EPB41L4A: variants seen among roughly 807,000 people sequenced by gnomAD.
The protein encoded by EPB41L4A is band 4.1-like protein 4A.
In EPB41L4A, 100 loss-of-function variants were observed where a neutral mutation model predicts 108.6. That is an observed-to-expected ratio of 0.92 (90% confidence interval 0.78 to 1.09). EPB41L4A has a LOEUF of 1.09. Ranked by LOEUF, EPB41L4A falls within the 50% of genes least tolerant of loss-of-function variation. The probability of loss-of-function intolerance (pLI) is 0.00; values close to 1 mark genes in which losing one functional copy is unlikely to be tolerated. For synonymous variants in EPB41L4A, 319 were observed against 289.0 expected, an observed-to-expected ratio of 1.10 and a Z score of -1.05; for missense variants, 1,030 against 842.7, an observed-to-expected ratio of 1.22 and a Z score of -2.75.
intron 1 of EPB41L4A, among the ~76,000 whole-genome samples, chr5:112,388,310 G>A (rs1760696167): frequency 6.6e-6 from 1 of 152,194 alleles, no homozygotes; most frequent in South Asian, 2.1e-4. Context: ...GAGCTTTAAA[G>A]GAAGTGCGGT....
rs780761015 is a variant in EPB41L4A, at chr5:112,184,054, G to A, written c.1584C>T (p.Ala528=). The A allele has an allele frequency of 2.2e-5, 36 of 1,613,984 alleles. No homozygotes were observed. In the East Asian group the frequency reaches 6.7e-4, roughly 30 times the overall value. Residue 528 remains alanine, a synonymous_variant, in exon 18 of 23, where the codon GCC becomes GCT. Coordinates refer to ENST00000261486, the MANE Select transcript of EPB41L4A (RefSeq NM_022140.5). ...GTCTGGATCGCCTGTTGTTGGGGTC[G>A]GCTTGGTTTTTTTCCTTTTGTCTCC... ...VLRRQKEKNQ[A]DPNNRRSRHR...
chr5:112,194,151 C>T lies in EPB41L4A; in HGVS notation c.1502+417G>A, dbSNP rs1047794116. 2.6e-5 allele frequency among the ~76,000 whole-genome samples: 4 copies of T among 151,464 alleles called. No homozygotes were observed. The East Asian group carries it at 5.8e-4, about 22-fold the overall frequency. ...CATATTATTAGCATATATATATATACATAAGCCTGAAACCGCAGAATCTAA... is the reference window on the plus strand; with the variant it reads ...CATATTATTAGCATATATATATATATATAAGCCTGAAACCGCAGAATCTAA... On this transcript the variant is annotated intron_variant, in intron 17 of 22. Coordinates refer to ENST00000261486, the MANE Select transcript of EPB41L4A (RefSeq NM_022140.5).
chr5:112,325,140 A>G (rs1756061534), intron 1 of EPB41L4A, among the ~76,000 whole-genome samples: 1 of 94,892 alleles, frequency 1.1e-5, no homozygotes, highest in Admixed American at 9.3e-5. Flanking sequence ...GAAATTACGC[A>G]CAATTAAAAA....
downstream of EPB41L4A, among the ~76,000 whole-genome samples, chr5:112,157,687 C>T (rs1005061468): frequency 7.2e-5 from 11 of 152,218 alleles, no homozygotes; most frequent in African/African-American, 2.7e-4. Flanking sequence ...TCTTCTGCTA[C>T]CTTCTTCCAT....
At chr5:112,336,052 TC>T (rs2150680470) in intron 1 of EPB41L4A, among the ~76,000 whole-genome samples, 1 of 152,244 alleles carries the variant, frequency 6.6e-6, no homozygotes, top group African/African-American at 2.4e-5. Context: ...AGGAAAGGCC[TC>T]CTGGAGGAAA....
intron 1 of EPB41L4A, among the ~76,000 whole-genome samples, chr5:112,411,081 C>T (rs996910506): frequency 6.6e-6 from 1 of 152,070 alleles, no homozygotes. Flanking sequence ...AACTGGTGAC[C>T]AAAGCATCTT....
intron 1 of EPB41L4A, among the ~76,000 whole-genome samples, chr5:112,411,459 T>A (rs781541977): frequency 6.6e-5 from 10 of 152,086 alleles, no homozygotes; most frequent in Non-Finnish European, 1.5e-4. Flanking sequence ...AAACTGAAAT[T>A]CAGAAATAAA....
At chr5:112,157,487 C>A (rs148857681) in intron 12 of EPB41L4A, among the ~76,000 whole-genome samples, 20 of 152,294 alleles carry the variant, frequency 1.3e-4, no homozygotes, top group African/African-American at 4.6e-4. Flanking sequence ...AACATACATT[C>A]ATTATCTCAC....
At chr5:112,267,646 C>G (rs1751955427) in intron 4 of EPB41L4A, among the ~76,000 whole-genome samples, 1 of 151,724 alleles carries the variant, frequency 6.6e-6, no homozygotes, top group South Asian at 2.1e-4. Flanking sequence ...TCCCCTACAC[C>G]AGGTCACTCT....
chr5:112,153,439 G>A lies in EPB41L4A; in HGVS notation n.994+4962C>T, dbSNP rs549826772. ...AGCTACTCGGGAGGCTGAGGCAGGA[G>A]AATTGCTTGAACCTGGGAGGCGGAG... On this transcript the variant is annotated intron_variant and non_coding_transcript_variant, in intron 12 of 13. Coordinates refer to the EPB41L4A transcript ENST00000507810. Among the ~76,000 whole-genome samples, 283 of 151,546 alleles carry A rather than the reference G, an allele frequency of 1.9e-3. 1 individual carries two copies. The highest frequency in any genetic ancestry group is 6.3e-3 in the African/African-American group (260 of 41,350).
At chr5:112,200,611 T>C (rs770776485) in intron 15 of EPB41L4A, among the ~76,000 whole-genome samples, 49 of 152,306 alleles carry the variant, frequency 3.2e-4, no homozygotes, top group Non-Finnish European at 6.5e-4. Flanking sequence ...CAAACATTTT[T>C]TAATGTAAAA....
intron 1 of EPB41L4A, among the ~76,000 whole-genome samples, chr5:112,400,813 G>T (rs1010678446): frequency 6.6e-6 from 1 of 152,142 alleles, no homozygotes; most frequent in Non-Finnish European, 1.5e-5. Flanking sequence ...TGTCAAGAAG[G>T]CAAAGGTATT....
intron 1 of EPB41L4A, among the ~76,000 whole-genome samples, chr5:112,349,737 G>T (rs1048780282): frequency 5.9e-5 from 9 of 152,100 alleles, no homozygotes. Context: ...AACAACATGG[G>T]GTCCAAAATG....
intron 1 of EPB41L4A, among the ~76,000 whole-genome samples, chr5:112,335,578 C>A (rs1460265511): frequency 6.6e-6 from 1 of 152,152 alleles, no homozygotes; most frequent in African/African-American, 2.4e-5. Flanking sequence ...ACGACTAGAA[C>A]AGGATTTCTG....
chr5:112,205,331 C>G, intron 14 of EPB41L4A, 90 bp downstream of exon 14: 5 of 1,092,476 alleles, frequency 4.6e-6, no homozygotes, highest in Non-Finnish European at 7.1e-6. Flanking sequence ...TGTGATCAGC[C>G]ACCCAGCAGC....
At chr5:112,361,084 G>A (rs899375740) in intron 1 of EPB41L4A, among the ~76,000 whole-genome samples, 1 of 152,180 alleles carries the variant, frequency 6.6e-6, no homozygotes, top group South Asian at 2.1e-4. Flanking sequence ...AGAAAGGGGG[G>A]AAGTGTGGGG....
chr5:112,211,544 C>T (rs772111682), intron 12 of EPB41L4A, among the ~76,000 whole-genome samples: 18 of 150,804 alleles, frequency 1.2e-4, no homozygotes, highest in Non-Finnish European at 2.1e-4. Context: ...GCTGAGATTG[C>T]GCCACTACAC....
At position 112,242,650 on chromosome 5, in the gene EPB41L4A, C is replaced by A. The variant is rs144636363; in HGVS notation, c.796-1840G>T. 5.0e-3 allele frequency among the ~76,000 whole-genome samples: 765 copies of A among 152,220 alleles called. 18 individuals are homozygous for A. In the South Asian group the frequency reaches 0.055, roughly 11 times the overall value. ...GTGAATATTTTCCAGAAGTTTTTCACTTTGTTTGTCCAGATCCATTAGAGA... is the reference window on the plus strand; with the variant it reads ...GTGAATATTTTCCAGAAGTTTTTCAATTTGTTTGTCCAGATCCATTAGAGA... On this transcript the variant is annotated intron_variant, in intron 9 of 22. Transcript: ENST00000261486.
Position 112,145,179 on chromosome 5 carries a change from A to G in EPB41L4A, n.1112+702T>C, listed in dbSNP as rs541663395. 4.9e-4 allele frequency among the ~76,000 whole-genome samples: 74 copies of G among 152,220 alleles called. 1 individual carries two copies. Among genetic ancestry groups the G allele is most frequent in the African/African-American group, 1.6e-3 (67 of 41,546 alleles). ...GTGGCACAAACCTGTAATCCCAGCT[A>G]CTTGGGAGGCTGAGGTGGGAGAATC... On this transcript the variant is annotated intron_variant and non_coding_transcript_variant, in intron 13 of 13. Transcript: ENST00000507810.
Sources: gnomAD v4.1 joint callset for allele counts (sites outside exome capture counted in the v4.1 genomes callset) on GRCh38, gnomAD v4.1.1 for gene constraint, MANE v1.5 for transcripts, NCBI Gene and HGNC (gene_info 2026-07-23, HGNC 2026-07-21) for gene names.